Variants in PHACTR1 observed in about 807,000 individuals in gnomAD.
PHACTR1 encodes phosphatase and actin regulator 1, also known as RPEL repeat containing 1.
In PHACTR1, 16 loss-of-function variants were observed where a neutral mutation model predicts 69.2. The observed-to-expected ratio is 0.23, with a 90% CI of 0.16 to 0.35. The LOEUF is 0.35. Among genes scored for constraint, PHACTR1 ranks in the 10% least tolerant of loss-of-function variants. The probability of loss-of-function intolerance (pLI) is 1.00; values close to 1 mark genes in which losing one functional copy is unlikely to be tolerated. For synonymous variants in PHACTR1, 312 were observed against 284.5 expected (o/e 1.10, Z -0.97); for missense variants, 510 against 734.7 (o/e 0.69, Z 3.54).
intron 4 of PHACTR1, among the ~76,000 whole-genome samples, chr6:12,964,932 A>T (rs1793243487): frequency 6.6e-6 from 1 of 152,136 alleles, no homozygotes; most frequent in Non-Finnish European, 1.5e-5. Flanking sequence ...AGGGAACCAC[A>T]GTGCAGGTTC....
chr6:13,010,328 A>T (rs1413937114), intron 4 of PHACTR1, among the ~76,000 whole-genome samples: 1 of 152,092 alleles, frequency 6.6e-6, no homozygotes, highest in Non-Finnish European at 1.5e-5. Context: ...GGGTTTCACC[A>T]TGTTGGCCAG....
chr6:13,141,693 T>C (rs1822471983), intron 5 of PHACTR1, among the ~76,000 whole-genome samples: 1 of 151,806 alleles, frequency 6.6e-6, no homozygotes, highest in Non-Finnish European at 1.5e-5. Flanking sequence ...CTCTATTTTC[T>C]TTATTCCACA....
chr6:12,789,898 G>A (rs986077174), intron 4 of PHACTR1, among the ~76,000 whole-genome samples: 3 of 151,254 alleles, frequency 2.0e-5, no homozygotes, highest in Non-Finnish European at 2.9e-5. Context: ...TTAGCATTAG[G>A]TATATCTCCT....
chr6:13,096,308 G>A (rs892404953), intron 5 of PHACTR1, among the ~76,000 whole-genome samples: 1 of 152,160 alleles, frequency 6.6e-6, no homozygotes, highest in Non-Finnish European at 1.5e-5. Context: ...TCATTCACAA[G>A]CCTCTCTAAA....
At chr6:12,724,526 C>CA (rs1234684412) in intron 3 of PHACTR1, among the ~76,000 whole-genome samples, 1 of 152,160 alleles carries the variant, frequency 6.6e-6, no homozygotes, top group East Asian at 1.9e-4. Context: ...ACAGCAGAGT[C>CA]AGAGTTTTCA....
intron 4 of PHACTR1, among the ~76,000 whole-genome samples, chr6:12,815,366 C>A (rs1307233239): frequency 6.6e-6 from 1 of 152,064 alleles, no homozygotes; most frequent in Non-Finnish European, 1.5e-5. Flanking sequence ...ACCTCATACT[C>A]TGGAATTTTC....
chr6:12,957,255 CA>C (rs35500368), intron 4 of PHACTR1: 38,910 of 270,996 alleles, frequency 0.14, 889 homozygotes, highest in African/African-American at 0.29. Flanking sequence ...AACAAATACT[CA>C]AAAAAAAAAA....
intron 4 of PHACTR1, among the ~76,000 whole-genome samples, chr6:13,025,213 C>G (rs560346950): frequency 6.6e-6 from 1 of 152,120 alleles, no homozygotes; most frequent in Admixed American, 6.5e-5. Flanking sequence ...CAAGATTGTG[C>G]CACTACACTC....
chr6:13,040,087 A>G (rs1319446377), intron 4 of PHACTR1, among the ~76,000 whole-genome samples: 1 of 152,188 alleles, frequency 6.6e-6, no homozygotes. Flanking sequence ...TAAAGAGCAG[A>G]AATTTCCTCT....
intron 4 of PHACTR1, among the ~76,000 whole-genome samples, chr6:12,926,299 C>T (rs915538283): frequency 6.6e-6 from 1 of 152,168 alleles, no homozygotes; most frequent in African/African-American, 2.4e-5. Flanking sequence ...TCTTTTCTCT[C>T]AGCCCTTTGT....
intron 4 of PHACTR1, among the ~76,000 whole-genome samples, chr6:12,806,468 G>A (rs1034724576): frequency 2.0e-5 from 3 of 151,974 alleles, no homozygotes; most frequent in Non-Finnish European, 4.4e-5. Flanking sequence ...TATGGACTAA[G>A]CACCTCCCTA....
intron 4 of PHACTR1, among the ~76,000 whole-genome samples, chr6:12,917,541 C>T (rs1787147399): frequency 6.6e-6 from 1 of 152,088 alleles, no homozygotes; most frequent in African/African-American, 2.4e-5. Flanking sequence ...TTACTTGAAG[C>T]CAGGAGTTTG....
At position 13,108,654 on chromosome 6, in the gene PHACTR1, A is replaced by G. The variant is rs375672821; in HGVS notation, c.416-51550A>G. Among the ~76,000 whole-genome samples, 188 of 152,218 alleles carry G rather than the reference A, an allele frequency of 1.2e-3. 1 individual carries two copies. In the South Asian group the frequency reaches 0.017, roughly 14 times the overall value. On this transcript the variant is annotated intron_variant, in intron 5 of 14. Coordinates refer to ENST00000332995, the MANE Select transcript of PHACTR1 (RefSeq NM_030948.6). ...TGTCATGAAGGTTATTTTATCTGAC[A>G]TTAATATAGCATTCCAGCTTTCTCC...
intron 4 of PHACTR1, among the ~76,000 whole-genome samples, chr6:12,872,669 T>A (rs764666399): frequency 9.2e-5 from 14 of 152,298 alleles, no homozygotes; most frequent in Non-Finnish European, 1.9e-4. Context: ...AGTCCTGTAG[T>A]TTGTAGTTCA....
chr6:13,054,005 G>C (rs1806398274), intron 5 of PHACTR1, among the ~76,000 whole-genome samples: 2 of 152,254 alleles, frequency 1.3e-5, no homozygotes, highest in South Asian at 4.1e-4. Context: ...GAATACAAAT[G>C]AATCATTGTA....
intron 4 of PHACTR1, among the ~76,000 whole-genome samples, chr6:12,859,226 C>T (rs1354089375): frequency 6.6e-6 from 1 of 152,186 alleles, no homozygotes; most frequent in African/African-American, 2.4e-5. Context: ...TTAAACCCTA[C>T]TATCACAGGT....
chr6:12,822,885 T>C (rs1776375006), intron 4 of PHACTR1, among the ~76,000 whole-genome samples: 1 of 152,182 alleles, frequency 6.6e-6, no homozygotes, highest in Admixed American at 6.5e-5. Context: ...CAAGAGAGGT[T>C]AGGGCAGCGG....
chr6:13,166,006 A>G (rs770613224), intron 6 of PHACTR1, among the ~76,000 whole-genome samples: 1 of 151,906 alleles, frequency 6.6e-6, no homozygotes, highest in Non-Finnish European at 1.5e-5. Flanking sequence ...CTGCCCTCCA[A>G]CCCCTAACTT....
intron 4 of PHACTR1, among the ~76,000 whole-genome samples, chr6:12,888,682 C>G (rs1270457934): frequency 6.6e-6 from 1 of 152,090 alleles, no homozygotes; most frequent in Non-Finnish European, 1.5e-5. Flanking sequence ...AGAGAACACA[C>G]CCATCCAAAA....
Sources: gnomAD v4.1 joint callset for allele counts (sites outside exome capture counted in the v4.1 genomes callset) on GRCh38, gnomAD v4.1.1 for gene constraint, MANE v1.5 for transcripts, NCBI Gene and HGNC (gene_info 2026-07-23, HGNC 2026-07-21) for gene names.